NUP155: variants seen among roughly 807,000 people sequenced by gnomAD.
The protein encoded by NUP155 is nucleoporin 155.
Under a neutral mutation model 180.4 loss-of-function variants are expected in NUP155, and 71 were observed. The observed-to-expected ratio is 0.39, with a 90% confidence interval of 0.33 to 0.48. NUP155 has a LOEUF of 0.48. Ranked by LOEUF, NUP155 falls within the 20% of genes least tolerant of loss-of-function variation. The probability of loss-of-function intolerance (pLI) is 0.91; values close to 1 mark genes in which losing one functional copy is unlikely to be tolerated. For missense variants in NUP155, 1,553 were observed against 1,648.9 expected (o/e 0.94, Z 1.01); for synonymous variants, 582 against 559.5 (o/e 1.04, Z -0.57).
rs35489900 is a variant in NUP155 at position 37,361,265 on chromosome 5, CA to C, written c.392+2622del. ...TGGGCGACAGAGCGAGACTCTGTCT[CA>C]AAAAAAAAAAAAAAAAAAAGACAAT... On this transcript the variant is annotated intron_variant, in intron 3 of 34. Transcript: ENST00000231498. 5.5e-3 allele frequency among the ~76,000 whole-genome samples: 428 copies of C among 77,986 alleles called. 1 individual carries two copies. Among genetic ancestry groups the C allele is most frequent in the African/African-American group, 0.015 (254 of 16,796 alleles). The allele number at this position is 77,986 out of a possible 152,430, so 51.2% of individuals were successfully genotyped here.
intron 1 of NUP155, among the ~76,000 whole-genome samples, chr5:37,370,370 C>T (rs1429510116): frequency 6.6e-6 from 1 of 152,098 alleles, no homozygotes; most frequent in Non-Finnish European, 1.5e-5. Flanking sequence ...ACCGCTCCGT[C>T]TCAATAAATA....
chr5:37,291,813 A>C lies in NUP155; in HGVS notation c.*87T>G. The C allele has an allele frequency of 8.3e-7, 1 of 1,211,200 alleles. No individual in the cohort carries two copies. Among genetic ancestry groups the C allele is most frequent in the African/African-American group, 1.5e-5 (1 of 66,506 alleles). 75.0% of individuals were successfully genotyped at this position (1,211,200 alleles called of 1,614,324 possible). A position where few individuals can be genotyped will look rare whatever the true frequency, so the allele number is the denominator to read the frequency against. ...ATATTTCTATTAAGATTGTTCTTAC[A>C]TTCTTAGATTTAGAACACCTGATAT... On this transcript the variant is annotated 3_prime_UTR_variant, in exon 35 of 35. Coordinates refer to ENST00000231498, the MANE Select transcript of NUP155 (RefSeq NM_153485.3).
At chr5:37,355,601 C>A (rs941868361) in intron 4 of NUP155, among the ~76,000 whole-genome samples, 2 of 142,434 alleles carry the variant, frequency 1.4e-5, no homozygotes, top group African/African-American at 5.7e-5. Context: ...TTTTCAGAGG[C>A]GATGTCTCAC....
In NUP155 at chr5:37,305,100, G is replaced by A; in HGVS notation, c.3014C>T (p.Ser1005Leu). Residue 1005 changes from serine (S) to leucine (L), a missense_variant, in exon 26 of 35, where the codon TCA (serine) becomes TTA (leucine). By Grantham distance (145) the Ser-to-Leu change is moderately radical. Transcript: ENST00000231498. ...ATTACTCAGCATATTTGGATCAGATGACAACACTGGAGGACCAGGTTTTTT... is the reference window on the plus strand; with the variant it reads ...ATTACTCAGCATATTTGGATCAGATAACAACACTGGAGGACCAGGTTTTTT... ...VPKKPGPPVL[S>L]SDPNMLSNEE... is the part of the protein sequence containing the mutation. 6.2e-7 allele frequency: 1 copy of A among 1,613,900 alleles called. No homozygotes were observed.
At chr5:37,310,846 C>G (rs912619077) in intron 22 of NUP155, 103 bp from the exon 23 acceptor site, 5 of 969,364 alleles carry the variant, frequency 5.2e-6, no homozygotes, top group Non-Finnish European at 7.5e-6. Context: ...TTAATAGACT[C>G]TATAATTGAA....
intron 32 of NUP155, among the ~76,000 whole-genome samples, chr5:37,296,688 A>AAAAT (rs59874319): frequency 0.029 from 4,370 of 150,676 alleles, 66 homozygotes; most frequent in African/African-American, 0.053. Context: ...ATGATCAATA[A>AAAAT]AAATAAATAA....
chr5:37,315,111 G>A (rs1262960158), intron 21 of NUP155, among the ~76,000 whole-genome samples: 2 of 151,476 alleles, frequency 1.3e-5, no homozygotes, highest in Non-Finnish European at 2.9e-5. Flanking sequence ...ACACGCCTGT[G>A]ATCCCAGCTA....
chr5:37,353,063 C>A (rs557891932), intron 4 of NUP155, among the ~76,000 whole-genome samples: 1 of 151,700 alleles, frequency 6.6e-6, no homozygotes, highest in Admixed American at 6.6e-5. Context: ...GGAAAAGAAC[C>A]ACCTTAGAAA....
chr5:37,356,213 G>A (rs1489121676), intron 4 of NUP155, among the ~76,000 whole-genome samples: 17 of 125,982 alleles, frequency 1.3e-4, no homozygotes, highest in South Asian at 5.3e-4. Flanking sequence ...TGGGCAACAA[G>A]AGCAAAATTC....
At chr5:37,367,135 T>G (rs217847) in intron 1 of NUP155, among the ~76,000 whole-genome samples, 8 of 151,608 alleles carry the variant, frequency 5.3e-5, no homozygotes, top group Admixed American at 3.9e-4. Context: ...AACCTCAGCC[T>G]CTTGGGCTCA....
chr5:37,370,888 G>C lies in NUP155; in HGVS notation c.90C>G (p.Ile30Met). The C allele has an allele frequency of 6.2e-7, 1 of 1,614,188 alleles. No homozygotes were observed. ...QEALENAGRL[I>M]DRQLQEDRMY... The stretch of plus-strand genomic sequence containing the variant: ...TGCGGTCCTCTTGCAACTGACGGTC[G>C]ATGAGCCGTCCAGCATTTTCCAGAG... The change falls in exon 1 of 35, where the codon ATC (isoleucine) becomes ATG (methionine). Residue 30 changes from isoleucine (I) to methionine (M), a missense_variant. Ile to Met is a conservative substitution (Grantham distance 10). Coordinates refer to ENST00000231498, the MANE Select transcript of NUP155 (RefSeq NM_153485.3).
chr5:37,335,587 C>T lies in NUP155; in HGVS notation c.1348-1954G>A, dbSNP rs145627930. 4.7e-3 allele frequency among the ~76,000 whole-genome samples: 713 copies of T among 152,136 alleles called. 3 individuals are homozygous for T. The highest frequency in any genetic ancestry group is 0.016 in the African/African-American group (653 of 41,494). ...TTGAAAGTATAGACATCATTTATCA[C>T]TCTTAAATACTTTTGCACATATCTC... On this transcript the variant is annotated intron_variant, in intron 12 of 34. Transcript: ENST00000231498.
chr5:37,301,872 G>C (rs907102403), intron 29 of NUP155, among the ~76,000 whole-genome samples: 1 of 152,182 alleles, frequency 6.6e-6, no homozygotes, highest in Non-Finnish European at 1.5e-5. Context: ...AATGTGAGTA[G>C]AAGTAGTGTG....
At chr5:37,334,541 C>T (rs541157627) in intron 12 of NUP155, among the ~76,000 whole-genome samples, 17 of 152,140 alleles carry the variant, frequency 1.1e-4, no homozygotes, top group East Asian at 3.9e-4. Context: ...CCACCATACC[C>T]GGCTAATTTT....
chr5:37,300,325 GTTA>G (rs1485304827), intron 30 of NUP155, among the ~76,000 whole-genome samples: 1 of 152,144 alleles, frequency 6.6e-6, no homozygotes, highest in African/African-American at 2.4e-5. Flanking sequence ...AAAATATACA[GTTA>G]TTATTGACTA....
intron 20 of NUP155, among the ~76,000 whole-genome samples, chr5:37,323,303 A>G (rs1434469182): frequency 6.6e-6 from 1 of 152,138 alleles, no homozygotes; most frequent in African/African-American, 2.4e-5. Context: ...TCCACACAAA[A>G]ACTTGTACAG....
intron 1 of NUP155, 86 bp from the exon 2 acceptor site, chr5:37,364,470 T>C (rs1747422543): frequency 3.4e-6 from 4 of 1,159,488 alleles, no homozygotes; most frequent in Admixed American, 1.7e-5. Flanking sequence ...AAAAAATTGT[T>C]GTGTGTTGGT....
chr5:37,350,819 TAAAAA>T (rs57132136), intron 6 of NUP155, among the ~76,000 whole-genome samples: 1 of 100,488 alleles, frequency 1.0e-5, no homozygotes. Context: ...CCATCACATT[TAAAAA>T]AAAAAAAAAA....
chr5:37,358,964 C>T (rs959272785), intron 3 of NUP155, among the ~76,000 whole-genome samples: 2 of 149,124 alleles, frequency 1.3e-5, no homozygotes, highest in African/African-American at 5.0e-5. Flanking sequence ...TGCAGTGAGC[C>T]GAGATCACAC....
Sources: gnomAD v4.1 joint callset for allele counts (sites outside exome capture counted in the v4.1 genomes callset) on GRCh38, gnomAD v4.1.1 for gene constraint, MANE v1.5 for transcripts, NCBI Gene and HGNC (gene_info 2026-07-23, HGNC 2026-07-21) for gene names.